The following PIKFYVE variants were observed in gnomAD, a reference collection of about 807,000 sequenced individuals.
PIKFYVE encodes 1-phosphatidylinositol 3-phosphate 5-kinase.
PIKFYVE carries 122 observed loss-of-function variants against 257.9 expected under a neutral mutation model. The ratio of observed to expected loss-of-function variants is 0.47; its 90% CI spans 0.41 to 0.55. The LOEUF (loss-of-function observed/expected upper bound fraction) is 0.55. PIKFYVE is among the 20% of genes least tolerant of loss of function. The pLI, the probability that PIKFYVE is intolerant of heterozygous loss-of-function variation, is 0.00. For synonymous variants in PIKFYVE, 892 were observed against 868.9 expected, an observed-to-expected ratio of 1.03 and a Z score of -0.47; for missense variants, 2,160 against 2,536.6, an observed-to-expected ratio of 0.85 and a Z score of 3.19.
chr2:208,303,434 CAATT>C (rs1693961728), intron 10 of PIKFYVE, among the ~76,000 whole-genome samples: 1 of 152,030 alleles, frequency 6.6e-6, no homozygotes, highest in Admixed American at 6.5e-5. Flanking sequence ...TGATAACAGA[CAATT>C]AATACATATT....
Position 208,288,773 on chromosome 2 carries a change from T to C in PIKFYVE, c.866T>C (p.Leu289Pro), listed in dbSNP as rs776893715. 1 of 1,614,104 alleles carries C rather than the reference T, an allele frequency of 6.2e-7. No homozygotes were observed. Among genetic ancestry groups the C allele is most frequent in the South Asian group, 1.1e-5 (1 of 91,082 alleles). ...DSSNTPLSTR[L>P]VSVQEDAGKS... ...TCAAATACTCCTCTTTCAACAAGAC[T>C]TGTATCTGTGCAAGAGGATGCTGGG... The change falls in exon 7 of 42, where the codon CTT becomes CCT. Residue 289 changes from leucine (L) to proline (P), a missense_variant. Leu to Pro is a moderately conservative substitution (Grantham distance 98). This residue lies in a region of PIKFYVE where 187 missense variants were observed against 185.6 expected (regional missense o/e 1.01). Transcript: ENST00000264380.
chr2:208,285,531 C>T (rs1691455759), intron 5 of PIKFYVE, among the ~76,000 whole-genome samples, 195 bp from the exon 6 acceptor site: 1 of 151,908 alleles, frequency 6.6e-6, no homozygotes, highest in African/African-American at 2.4e-5. Context: ...CAAAATGGCC[C>T]TTAAATATAT....
At chr2:208,300,034 A>G (rs1249928167) in intron 8 of PIKFYVE, among the ~76,000 whole-genome samples, 1 of 152,204 alleles carries the variant, frequency 6.6e-6, no homozygotes, top group Non-Finnish European at 1.5e-5. Flanking sequence ...CTCTAAGACA[A>G]CAAACAAACC....
At chr2:208,349,798 C>T (rs1699599937) in intron 35 of PIKFYVE, among the ~76,000 whole-genome samples, 1 of 151,976 alleles carries the variant, frequency 6.6e-6, no homozygotes, top group Non-Finnish European at 1.5e-5. Context: ...CCTAAATTCT[C>T]TATTTTTCTA....
Position 208,285,839 on chromosome 2 carries a change from G to C in PIKFYVE, c.727G>C (p.Val243Leu), listed in dbSNP as rs749747804. The change falls in exon 6 of 42, where the codon GTG becomes CTG. Residue 243 changes from valine to leucine, a missense_variant. Val to Leu is a conservative substitution (Grantham distance 32). Coordinates refer to ENST00000264380, the MANE Select transcript of PIKFYVE (RefSeq NM_015040.4). ...LNALSDSACSVSVLDPSEPRT... is the reference protein window; with the variant it reads ...LNALSDSACSLSVLDPSEPRT... The stretch of plus-strand genomic sequence containing the variant: ...TGCTCTTTCAGATTCTGCTTGCTCT[G>C]TGTCTGTGCTTGATCCAAGTGAACC... 1.9e-6 allele frequency: 3 copies of C among 1,613,934 alleles called. No individual in the cohort carries two copies. In the East Asian group the frequency reaches 6.7e-5, roughly 36 times the overall value.
At chr2:208,293,294 A>T (rs528007160) in intron 7 of PIKFYVE, among the ~76,000 whole-genome samples, 11 of 152,252 alleles carry the variant, frequency 7.2e-5, no homozygotes, top group African/African-American at 2.6e-4. Context: ...TATTGTTGCT[A>T]TTATTTTGAA....
intron 32 of PIKFYVE, 145 bp from the exon 33 acceptor site, chr2:208,344,966 G>C (rs1174551089): frequency 1.6e-6 from 1 of 626,856 alleles, no homozygotes; most frequent in East Asian, 3.0e-5. Flanking sequence ...CTACTTGATT[G>C]CTTTTGTCAG....
At chr2:208,303,586 G>A (rs781642286) in intron 10 of PIKFYVE, among the ~76,000 whole-genome samples, 34 of 152,140 alleles carry the variant, frequency 2.2e-4, no homozygotes, top group Non-Finnish European at 4.0e-4. Context: ...TCCTCGTTTC[G>A]TGTTGAGTGG....
intron 5 of PIKFYVE, among the ~76,000 whole-genome samples, chr2:208,284,413 G>A (rs1056963695): frequency 4.6e-5 from 7 of 151,690 alleles, no homozygotes; most frequent in Non-Finnish European, 8.8e-5. Flanking sequence ...GGCACCCGCC[G>A]CCATGCCTGG....
At chr2:208,333,253 T>C in intron 23 of PIKFYVE, 62 bp from the exon 24 acceptor site, 2 of 1,552,308 alleles carry the variant, frequency 1.3e-6, no homozygotes, top group Non-Finnish European at 1.8e-6. Flanking sequence ...AAAGAAAATG[T>C]TATTTTTTGA....
chr2:208,311,723 C>G (rs938307221), intron 12 of PIKFYVE, among the ~76,000 whole-genome samples: 1 of 152,130 alleles, frequency 6.6e-6, no homozygotes, highest in African/African-American at 2.4e-5. Context: ...TGAGTTTTAT[C>G]TTTATTCCTG....
chr2:208,355,332 T>C lies in PIKFYVE; in HGVS notation c.*27T>C, dbSNP rs2125843555. 1.9e-6 allele frequency: 3 copies of C among 1,568,670 alleles called. No homozygotes were observed. Among genetic ancestry groups the C allele is most frequent in the African/African-American group, 2.7e-5 (2 of 74,060 alleles). ...ATCAAGCACATATTTTGAAATGGACTGTGAAGGAAAAGGGGACAGGAACAA... is the reference window on the plus strand; with the variant it reads ...ATCAAGCACATATTTTGAAATGGACCGTGAAGGAAAAGGGGACAGGAACAA... On this transcript the variant is annotated 3_prime_UTR_variant, in exon 42 of 42. Coordinates refer to ENST00000264380, the MANE Select transcript of PIKFYVE (RefSeq NM_015040.4).
chr2:208,317,912 G>T lies in PIKFYVE; in HGVS notation c.2053G>T (p.Val685Phe), dbSNP rs766151332. 6.2e-7 allele frequency: 1 copy of T among 1,613,984 alleles called. No individual in the cohort carries two copies. The highest frequency in any genetic ancestry group is 1.3e-5 in the African/African-American group (1 of 75,050). ...KFDSVVVNGF[V>F]CTKNIAHKKM... ...TGATTCTGTGGTTGTCAATGGCTTTGTTTGTACCAAGAACATTGCACATAA... is the reference window on the plus strand; with the variant it reads ...TGATTCTGTGGTTGTCAATGGCTTTTTTTGTACCAAGAACATTGCACATAA... The change falls in exon 16 of 42, where the codon GTT becomes TTT. Residue 685 changes from valine to phenylalanine, a missense_variant. By Grantham distance (50) the Val-to-Phe change is conservative. Coordinates refer to ENST00000264380, the MANE Select transcript of PIKFYVE (RefSeq NM_015040.4).
intron 2 of PIKFYVE, 141 bp from the exon 3 acceptor site, chr2:208,273,443 A>T: frequency 2.2e-6 from 2 of 891,190 alleles, no homozygotes; most frequent in Non-Finnish European, 3.5e-6. Context: ...ATTTAAAATT[A>T]AATAAATGAA....
At chr2:208,294,367 A>T (rs1335643234) in intron 7 of PIKFYVE, among the ~76,000 whole-genome samples, 1 of 152,208 alleles carries the variant, frequency 6.6e-6, no homozygotes, top group Non-Finnish European at 1.5e-5. Flanking sequence ...GTTTAAAAAC[A>T]ATTCCTAGAC....
At chr2:208,340,191 C>T (rs749291080) in intron 31 of PIKFYVE, 60 bp downstream of exon 31, 19 of 1,579,098 alleles carry the variant, frequency 1.2e-5, no homozygotes, top group Non-Finnish European at 1.5e-5. Context: ...TAGTTGCTCG[C>T]TTCATATTTA....
At chr2:208,353,837 A>G in intron 39 of PIKFYVE, 61 bp from the exon 40 acceptor site, 2 of 1,586,286 alleles carry the variant, frequency 1.3e-6, no homozygotes, top group African/African-American at 1.3e-5. Context: ...TTATTTACTT[A>G]CATTAACTAA....
intron 27 of PIKFYVE, among the ~76,000 whole-genome samples, chr2:208,336,548 T>C (rs71418677): frequency 2.0e-5 from 3 of 152,132 alleles, no homozygotes; most frequent in Non-Finnish European, 4.4e-5. Context: ...AAATATATTG[T>C]ATATTGATAT....
chr2:208,293,515 ACTTCTC>A (rs1245935364), intron 7 of PIKFYVE, among the ~76,000 whole-genome samples: 1 of 152,094 alleles, frequency 6.6e-6, no homozygotes, highest in Non-Finnish European at 1.5e-5. Context: ...GAAAGGCTTT[ACTTCTC>A]CTTCACTTTT....
Sources: gnomAD v4.1 joint callset for allele counts (sites outside exome capture counted in the v4.1 genomes callset) on GRCh38, gnomAD v4.1.1 for gene constraint, gnomAD v4.1.1 regional missense constraint, MANE v1.5 for transcripts, NCBI Gene and HGNC (gene_info 2026-07-23, HGNC 2026-07-21) for gene names.